AUTS2: variants seen among roughly 807,000 people sequenced by gnomAD.
AUTS2 encodes autism susceptibility gene 2 protein.
Under a neutral mutation model 112.4 loss-of-function variants are expected in AUTS2, and 17 were observed. The observed-to-expected ratio is 0.15, with a 90% CI of 0.10 to 0.23. The LOEUF is 0.23. Among genes scored for constraint, AUTS2 ranks in the 10% least tolerant of loss-of-function variants. AUTS2 has a pLI of 1.00. For missense variants in AUTS2, 1,510 were observed against 1,701.6 expected (o/e 0.89, Z 1.98); for synonymous variants, 751 against 702.7 (o/e 1.07, Z -1.09).
chr7:70,176,540 A>G (rs1345867503), intron 4 of AUTS2, among the ~76,000 whole-genome samples: 1 of 152,248 alleles, frequency 6.6e-6, no homozygotes, highest in Non-Finnish European at 1.5e-5. Flanking sequence ...GAAGTTGAAT[A>G]TTAGGAATAA....
chr7:69,686,907 A>G (rs1797088364), intron 1 of AUTS2, among the ~76,000 whole-genome samples: 1 of 152,210 alleles, frequency 6.6e-6, no homozygotes, highest in African/African-American at 2.4e-5. Flanking sequence ...TATGAACCAT[A>G]TACATATTTT....
chr7:69,804,937 C>T (rs1427940673), intron 1 of AUTS2, among the ~76,000 whole-genome samples: 1 of 152,170 alleles, frequency 6.6e-6, no homozygotes, highest in East Asian at 1.9e-4. Context: ...GTGATTATAC[C>T]CAACTTTAAG....
rs1040408539 is a variant in AUTS2, at chr7:69,989,011, G to A, written c.522+89513G>A. 4.6e-5 allele frequency among the ~76,000 whole-genome samples: 7 copies of A among 152,288 alleles called. No individual in the cohort carries two copies. In the East Asian group the frequency reaches 5.8e-4, roughly 13 times the overall value. ...GGAGATGCAAAGACAAACTTTGAGC[G>A]TATCATGATTTTGAGCAGGACAACT... On this transcript the variant is annotated intron_variant, in intron 2 of 18. Transcript: ENST00000342771.
At chr7:69,656,251 T>G (rs1795531777) in intron 1 of AUTS2, among the ~76,000 whole-genome samples, 2 of 152,196 alleles carry the variant, frequency 1.3e-5, no homozygotes, top group African/African-American at 4.8e-5. Context: ...TTGACGCAGC[T>G]GACCCCTAGA....
intron 2 of AUTS2, among the ~76,000 whole-genome samples, chr7:70,112,568 T>G (rs1805140982): frequency 6.6e-6 from 1 of 152,062 alleles, no homozygotes; most frequent in African/African-American, 2.4e-5. Flanking sequence ...TCTTTTATTA[T>G]TTAGAATATT....
chr7:69,776,027 T>G (rs1441908224), intron 1 of AUTS2, among the ~76,000 whole-genome samples: 1 of 152,166 alleles, frequency 6.6e-6, no homozygotes, highest in African/African-American at 2.4e-5. Context: ...GTCACTCCTG[T>G]GGTCTCTAGC....
chr7:69,869,712 A>G (rs944888233), intron 1 of AUTS2, among the ~76,000 whole-genome samples: 4 of 152,204 alleles, frequency 2.6e-5, no homozygotes, highest in Non-Finnish European at 1.5e-5. Flanking sequence ...GGAGGCTAAA[A>G]GAGGCAAAGT....
intron 2 of AUTS2, among the ~76,000 whole-genome samples, chr7:70,028,260 AC>A (rs374929721): frequency 5.6e-4 from 85 of 152,206 alleles, no homozygotes; most frequent in African/African-American, 2.0e-3. Flanking sequence ...CATTCTATGA[AC>A]CTCTTAAACT....
At chr7:70,557,329 G>T (rs1298388621) in intron 5 of AUTS2, among the ~76,000 whole-genome samples, 5 of 152,132 alleles carry the variant, frequency 3.3e-5, no homozygotes, top group Non-Finnish European at 5.9e-5. Flanking sequence ...TGTGCCTCTG[G>T]CCACAGCCAC....
At chr7:69,660,865 C>T (rs142122361) in intron 1 of AUTS2, among the ~76,000 whole-genome samples, 3 of 152,282 alleles carry the variant, frequency 2.0e-5, no homozygotes, top group African/African-American at 7.2e-5. Flanking sequence ...ACCCGGGAGG[C>T]GGAGCTTGCG....
chr7:70,231,986 G>T (rs768467513), intron 4 of AUTS2, among the ~76,000 whole-genome samples: 5 of 151,940 alleles, frequency 3.3e-5, no homozygotes, highest in Non-Finnish European at 7.4e-5. Flanking sequence ...TGGTAGCCAG[G>T]ATGGTCTCAA....
At chr7:70,584,760 G>A (rs1802607300) in intron 5 of AUTS2, among the ~76,000 whole-genome samples, 1 of 152,242 alleles carries the variant, frequency 6.6e-6, no homozygotes, top group Non-Finnish European at 1.5e-5. Context: ...AAGGAAGGGG[G>A]AGCAACCAGG....
At chr7:69,947,456 C>T (rs1033832154) in intron 2 of AUTS2, among the ~76,000 whole-genome samples, 3 of 152,124 alleles carry the variant, frequency 2.0e-5, no homozygotes, top group Admixed American at 6.6e-5. Context: ...TCGTTGCTAA[C>T]GTCCAAAGAG....
At chr7:70,187,581 AGT>A (rs965236084) in intron 4 of AUTS2, among the ~76,000 whole-genome samples, 70 of 152,254 alleles carry the variant, frequency 4.6e-4, no homozygotes, top group African/African-American at 1.6e-3. Context: ...ATTCCGCCTC[AGT>A]TTTCCATGAG....
intron 5 of AUTS2, among the ~76,000 whole-genome samples, chr7:70,576,761 C>T (rs1046019094): frequency 3.9e-5 from 5 of 128,038 alleles, no homozygotes; most frequent in Non-Finnish European, 5.3e-5. Flanking sequence ...ATAGTCTTTT[C>T]GTAATATATT....
At chr7:69,606,683 A>G (rs911246833) in intron 1 of AUTS2, among the ~76,000 whole-genome samples, 10 of 152,210 alleles carry the variant, frequency 6.6e-5, no homozygotes, top group African/African-American at 2.4e-4. Flanking sequence ...AATTTTAGAA[A>G]GTTCTGAAAA....
intron 1 of AUTS2, among the ~76,000 whole-genome samples, chr7:69,696,004 G>A (rs1056647200): frequency 1.3e-5 from 2 of 152,170 alleles, no homozygotes; most frequent in Non-Finnish European, 1.5e-5. Flanking sequence ...GAATGAAAAC[G>A]TATTATGATC....
At chr7:70,040,794 T>A (rs911375407) in intron 2 of AUTS2, among the ~76,000 whole-genome samples, 2 of 152,222 alleles carry the variant, frequency 1.3e-5, no homozygotes, top group Non-Finnish European at 2.9e-5. Flanking sequence ...CTGAAGCCAC[T>A]GCAGGTTACC....
intron 5 of AUTS2, among the ~76,000 whole-genome samples, chr7:70,633,314 G>A (rs563725514): frequency 6.6e-6 from 1 of 152,244 alleles, no homozygotes; most frequent in African/African-American, 2.4e-5. Context: ...TTCTCTCCAG[G>A]TAGCTAAAGA....
Sources: gnomAD v4.1 joint callset for allele counts (sites outside exome capture counted in the v4.1 genomes callset) on GRCh38, gnomAD v4.1.1 for gene constraint, MANE v1.5 for transcripts, NCBI Gene and HGNC (gene_info 2026-07-23, HGNC 2026-07-21) for gene names.